Variants in HMCN1 observed in about 807,000 individuals in gnomAD.
The protein encoded by HMCN1 is hemicentin 1.
Under a neutral mutation model 625.9 loss-of-function variants are expected in HMCN1, and 321 were observed. The ratio of observed to expected loss-of-function variants is 0.51; its 90% CI spans 0.47 to 0.56. The LOEUF (loss-of-function observed/expected upper bound fraction) is 0.56, where lower values mean the gene tolerates loss of function less well. Among genes scored for constraint, HMCN1 ranks in the 20% least tolerant of loss-of-function variants. The pLI, the probability that HMCN1 is intolerant of heterozygous loss-of-function variation, is 0.00. For missense variants in HMCN1, 6,588 were observed against 6,887.3 expected (o/e 0.96, Z 1.54); for synonymous variants, 2,425 against 2,417.6 (o/e 1.00, Z -0.09).
intron 100 of HMCN1, among the ~76,000 whole-genome samples, chr1:186,169,445 T>G (rs1270291172): frequency 6.6e-6 from 1 of 152,176 alleles, no homozygotes; most frequent in African/African-American, 2.4e-5. Context: ...CAAACTATAT[T>G]ACAAGGCTAC....
rs1327769785 is a variant in HMCN1 at position 186,151,672 on chromosome 1, G to T, written c.14825G>T (p.Gly4942Val). 9 of 1,613,394 alleles carry T rather than the reference G, an allele frequency of 5.6e-6. No homozygotes were observed. The highest frequency in any genetic ancestry group is 7.6e-6 in the Non-Finnish European group (9 of 1,179,470). ...PIYWTTAKEI[G>V]EAVNGFTLTN... is the part of the protein sequence containing the mutation. ...TATTGGACAACAGCAAAGGAAATAG[G>T]AGAAGCAGTCAATGGCTTTACCCTC... Residue 4942 changes from glycine (G) to valine (V), a missense_variant, in exon 95 of 107, where the codon GGA (glycine) becomes GTA (valine). Transcript: ENST00000271588.
At chr1:186,161,028 T>A (rs1197004550) in intron 97 of HMCN1, among the ~76,000 whole-genome samples, 1 of 152,212 alleles carries the variant, frequency 6.6e-6, no homozygotes, top group Non-Finnish European at 1.5e-5. Flanking sequence ...GGTGTTAAAG[T>A]CTCCCATTAT....
chr1:186,061,894 T>C lies in HMCN1; in HGVS notation c.7356T>C (p.Ala2452=). 4 of 1,613,220 alleles carry C rather than the reference T, an allele frequency of 2.5e-6. No individual in the cohort carries two copies. The highest frequency in any genetic ancestry group is 3.4e-6 in the Non-Finnish European group (4 of 1,179,358). The change falls in exon 47 of 107, where the codon GCT becomes GCC. Residue 2452 remains alanine, a synonymous_variant. Coordinates refer to ENST00000271588, the MANE Select transcript of HMCN1 (RefSeq NM_031935.3). ...LRLMQTTMED[A]GQYTCVVRNA... is the part of the protein sequence containing the mutation. ...TGATGCAGACCACAATGGAAGATGC[T>C]GGCCAATATACTTGCGTTGTAAGGA...
At chr1:185,741,750 A>G (rs1654009187) in intron 1 of HMCN1, among the ~76,000 whole-genome samples, 1 of 152,224 alleles carries the variant, frequency 6.6e-6, no homozygotes, top group Non-Finnish European at 1.5e-5. Flanking sequence ...TCAGTTTAGC[A>G]ATGTGGAAGT....
At chr1:186,050,650 A>G (rs1656889510) in intron 42 of HMCN1, among the ~76,000 whole-genome samples, 1 of 152,100 alleles carries the variant, frequency 6.6e-6, no homozygotes, top group Non-Finnish European at 1.5e-5. Context: ...CATACTTTAC[A>G]AATATGCAGA....
intron 11 of HMCN1, among the ~76,000 whole-genome samples, chr1:185,948,188 C>T (rs1404713038): frequency 6.6e-6 from 1 of 152,114 alleles, no homozygotes; most frequent in African/African-American, 2.4e-5. Context: ...GAAATTAGTT[C>T]CCTTAATTAA....
chr1:186,166,071 A>G (rs372375502), intron 98 of HMCN1, 113 bp from the exon 99 acceptor site: 5 of 1,109,790 alleles, frequency 4.5e-6, no homozygotes, highest in East Asian at 2.4e-5. Flanking sequence ...ATTTTCTATT[A>G]TATTTGATTC....
intron 64 of HMCN1, among the ~76,000 whole-genome samples, chr1:186,092,320 G>A (rs1429404264): frequency 2.6e-5 from 4 of 151,622 alleles, no homozygotes; most frequent in Admixed American, 2.6e-4. Context: ...TTAAACTCAT[G>A]GAATTAAAAA....
chr1:185,951,900 T>C (rs376425423), intron 11 of HMCN1, among the ~76,000 whole-genome samples: 4,314 of 151,126 alleles, frequency 0.029, 247 homozygotes, highest in African/African-American at 0.094. Context: ...TCTGTTATTG[T>C]ACACCTTGAA....
chr1:185,952,897 A>C (rs1243599951), intron 11 of HMCN1, among the ~76,000 whole-genome samples: 3 of 150,516 alleles, frequency 2.0e-5, no homozygotes, highest in Admixed American at 2.0e-4. Context: ...ATTGGGGCAC[A>C]GAGATAAGAG....
chr1:185,910,401 A>G (rs1202201540), intron 5 of HMCN1, among the ~76,000 whole-genome samples: 1 of 152,144 alleles, frequency 6.6e-6, no homozygotes, highest in Non-Finnish European at 1.5e-5. Context: ...TTCTACTGCA[A>G]TAACATCCAT....
At chr1:185,933,437 G>A (rs1667651920) in intron 10 of HMCN1, 112 bp from the exon 11 acceptor site, 2 of 1,020,778 alleles carry the variant, frequency 2.0e-6, no homozygotes, top group Non-Finnish European at 3.0e-6. Context: ...CTGTTGCACT[G>A]CATCTTTCCT....
intron 67 of HMCN1, 55 bp downstream of exon 67, chr1:186,094,428 G>A: frequency 7.5e-7 from 1 of 1,326,822 alleles, no homozygotes; most frequent in Non-Finnish European, 1.1e-6. Flanking sequence ...TTAAGCAACA[G>A]ACTTATCTTT....
rs756040410 is a variant in HMCN1, at chr1:186,045,760, A to G, written c.6377A>G (p.Gln2126Arg). The G allele has an allele frequency of 1.9e-6, 3 of 1,612,822 alleles. No homozygotes were observed. In the African/African-American group the frequency reaches 4.0e-5, roughly 22 times the overall value. ...LISQAVELLCQSDAIPPPTLT... is the reference protein window; with the variant it reads ...LISQAVELLCRSDAIPPPTLT... ...AGCCAAGCTGTGGAATTACTATGTC[A>G]AAGTGATGCTATTCCCCCACCTACT... The change falls in exon 41 of 107, where the codon CAA (glutamine) becomes CGA (arginine). Residue 2126 changes from glutamine (Q) to arginine (R), a missense_variant. Gln to Arg is a conservative substitution (Grantham distance 43). Coordinates refer to ENST00000271588, the MANE Select transcript of HMCN1 (RefSeq NM_031935.3).
rs1661327592 is a variant in HMCN1 at position 186,120,037 on chromosome 1, G to A, written c.12121G>A (p.Gly4041Ser). The change falls in exon 80 of 107, where the codon GGC becomes AGC. Residue 4041 changes from glycine (G) to serine (S), a missense_variant. Physicochemically the swap from Gly to Ser is moderately conservative, Grantham distance 56. This residue lies in a region of HMCN1 where 1,954 missense variants were observed against 2,013.1 expected (regional missense o/e 0.97). Coordinates refer to ENST00000271588, the MANE Select transcript of HMCN1 (RefSeq NM_031935.3). ...CAGAAACCATGCAGTTCTTCCTAGTGGCGGCTTACAGATCTCCAGAGCTGT... is the reference window on the plus strand; with the variant it reads ...CAGAAACCATGCAGTTCTTCCTAGTAGCGGCTTACAGATCTCCAGAGCTGT... ...SGRNHAVLPS[G>S]GLQISRAVRE... 1.2e-6 allele frequency: 2 copies of A among 1,613,976 alleles called. No individual in the cohort carries two copies.
chr1:185,736,439 C>A (rs1571920763), intron 1 of HMCN1, among the ~76,000 whole-genome samples: 1 of 152,292 alleles, frequency 6.6e-6, no homozygotes, highest in African/African-American at 2.4e-5. Flanking sequence ...AAGATGCCAA[C>A]TGTGATGCAG....
intron 23 of HMCN1, 127 bp from the exon 24 acceptor site, chr1:185,994,688 C>A: frequency 1.1e-6 from 1 of 908,394 alleles, no homozygotes; most frequent in Non-Finnish European, 1.8e-6. Flanking sequence ...TGATCCGAGC[C>A]TAGGTCCAAA....
chr1:186,112,839 G>A lies in HMCN1; in HGVS notation c.11017G>A (p.Gly3673Arg). The change falls in exon 72 of 107, where the codon GGA (glycine) becomes AGA (arginine). Residue 3673 changes from glycine to arginine, a missense_variant. Gly to Arg is a moderately radical substitution (Grantham distance 125, BLOSUM62 -2). This residue lies in a region of HMCN1 where 4,628 missense variants were observed against 4,853.1 expected (regional missense o/e 0.95). Transcript: ENST00000271588. ...QATPRVRILS[G>R]GRYLQINNAD... ...AACACCTCGAGTGCGAATCCTATCT[G>A]GAGGGAGATACTTGCAAATCAACAA... The A allele has an allele frequency of 6.2e-7, 1 of 1,614,158 alleles. No homozygotes were observed. The highest frequency in any genetic ancestry group is 8.5e-7 in the Non-Finnish European group (1 of 1,179,994).
At chr1:185,989,898 C>G (rs560848978) in intron 21 of HMCN1, among the ~76,000 whole-genome samples, 9 of 151,438 alleles carry the variant, frequency 5.9e-5, no homozygotes, top group Non-Finnish European at 1.2e-4. Flanking sequence ...GGTGTTTTCC[C>G]AAGAAGTATG....
Sources: gnomAD v4.1 joint callset for allele counts (sites outside exome capture counted in the v4.1 genomes callset) on GRCh38, gnomAD v4.1.1 for gene constraint, gnomAD v4.1.1 regional missense constraint, MANE v1.5 for transcripts, NCBI Gene and HGNC (gene_info 2026-07-23, HGNC 2026-07-21) for gene names.